Variants in NTRK3 observed in about 807,000 individuals in gnomAD.
NTRK3 encodes the protein NT-3 growth factor receptor.
In NTRK3, 24 loss-of-function variants were observed where a neutral mutation model predicts 91.7. That is an observed-to-expected ratio of 0.26 (90% CI 0.19 to 0.37). NTRK3 has a LOEUF of 0.37. Ranked by LOEUF, NTRK3 falls within the 10% of genes least tolerant of loss-of-function variation. The probability of loss-of-function intolerance (pLI) is 1.00; values close to 1 mark genes in which losing one functional copy is unlikely to be tolerated. For synonymous variants in NTRK3, 483 were observed against 404.0 expected, an observed-to-expected ratio of 1.20 and a Z score of -2.34; for missense variants, 880 against 1,068.9, an observed-to-expected ratio of 0.82 and a Z score of 2.46.
rs145750462 is a variant in NTRK3, at chr15:88,138,121, C to T, written c.465-560G>A. Among the ~76,000 whole-genome samples the T allele has an allele frequency of 6.4e-3, 979 of 151,894 alleles. 12 individuals carry two copies. Among genetic ancestry groups the T allele is most frequent in the African/African-American group, 0.02 (845 of 41,434 alleles). ...AGAGATCCTTTTAAAGAGATATCAGCGGCCGGGCGTGGTGGCTCACACCTG... is the reference window on the plus strand; with the variant it reads ...AGAGATCCTTTTAAAGAGATATCAGTGGCCGGGCGTGGTGGCTCACACCTG... On this transcript the variant is annotated intron_variant, in intron 6 of 18. Transcript: ENST00000394480.
chr15:88,123,449 C>A (rs970019103), intron 13 of NTRK3, among the ~76,000 whole-genome samples: 2 of 152,156 alleles, frequency 1.3e-5, no homozygotes, highest in Non-Finnish European at 2.9e-5. Context: ...CTGTGATGCT[C>A]GCTGGCAATA....
intron 3 of NTRK3, among the ~76,000 whole-genome samples, chr15:88,188,941 G>C (rs2151656203): frequency 6.6e-6 from 1 of 152,280 alleles, no homozygotes; most frequent in Non-Finnish European, 1.5e-5. Flanking sequence ...CAGAAAATCA[G>C]CTCAATGCCC....
chr15:88,045,708 T>A (rs2080113580), intron 13 of NTRK3, among the ~76,000 whole-genome samples: 1 of 152,238 alleles, frequency 6.6e-6, no homozygotes, highest in Admixed American at 6.5e-5. Flanking sequence ...AATCCCTCCT[T>A]GCCTCCACCA....
chr15:88,193,468 G>A (rs1382158839), intron 3 of NTRK3, among the ~76,000 whole-genome samples: 3 of 152,098 alleles, frequency 2.0e-5, no homozygotes, highest in Non-Finnish European at 2.9e-5. Context: ...CACACCAAAC[G>A]AAGAGGAAGC....
At chr15:87,910,449 C>T (rs1191316353) in intron 17 of NTRK3, among the ~76,000 whole-genome samples, 1 of 152,176 alleles carries the variant, frequency 6.6e-6, no homozygotes, top group Non-Finnish European at 1.5e-5. Context: ...TGCTGAGGTG[C>T]TAGCACTCAG....
chr15:87,938,423 ACCACTT>A (rs1331197524), intron 15 of NTRK3, among the ~76,000 whole-genome samples: 1 of 152,180 alleles, frequency 6.6e-6, no homozygotes, highest in Non-Finnish European at 1.5e-5. Context: ...AGCAGGAAAC[ACCACTT>A]CCAAGACGTT....
chr15:87,886,964 T>TA (rs1369082789), intron 17 of NTRK3, among the ~76,000 whole-genome samples: 2 of 151,406 alleles, frequency 1.3e-5, no homozygotes, highest in African/African-American at 2.4e-5. Context: ...TTTGTTGATG[T>TA]AAAAAAAATA....
chr15:87,896,484 A>AAAAG (rs1207490522), intron 17 of NTRK3, among the ~76,000 whole-genome samples: 1 of 151,632 alleles, frequency 6.6e-6, no homozygotes, highest in East Asian at 1.9e-4. Flanking sequence ...AAAAAAAAAA[A>AAAAG]AAAGAAAGAA....
intron 14 of NTRK3, among the ~76,000 whole-genome samples, chr15:87,999,045 C>T (rs1199896075): frequency 6.6e-6 from 1 of 152,094 alleles, no homozygotes; most frequent in Non-Finnish European, 1.5e-5. Flanking sequence ...CCTTAGTCTG[C>T]CCAGGGTATG....
chr15:88,251,942 T>C (rs918245957), intron 3 of NTRK3, among the ~76,000 whole-genome samples: 2 of 152,162 alleles, frequency 1.3e-5, no homozygotes, highest in African/African-American at 4.8e-5. Context: ...GCAGAGCAGA[T>C]GCCCTTGGCC....
rs531804826 is a variant in NTRK3 at position 87,916,464 on chromosome 15, A to G, written c.2133+12727T>C. 241 of 700,842 alleles carry G rather than the reference A, an allele frequency of 3.4e-4. 4 individuals are homozygous for G. In the East Asian group the frequency reaches 4.8e-3, roughly 14 times the overall value. 43.4% of individuals were successfully genotyped at this position (700,842 alleles called of 1,614,324 possible). A position where few individuals can be genotyped will look rare whatever the true frequency, so the allele number is the denominator to read the frequency against. ...CCTTTTCCTCTCCTTTCCCGAGGAC[A>G]GAATCCAATATAAGCATGCTTCAAC... On this transcript the variant is annotated intron_variant, in intron 17 of 18. Transcript: ENST00000394480.
chr15:87,872,607 G>A (rs978088477), exon 19 of NTRK3: 7 of 231,024 alleles, frequency 3.0e-5, no homozygotes, highest in African/African-American at 4.4e-5. Context: ...CTGGTGAAAC[G>A]CAGGCAAGTG....
At chr15:88,030,281 G>C (rs1302580893) in intron 14 of NTRK3, among the ~76,000 whole-genome samples, 2 of 152,192 alleles carry the variant, frequency 1.3e-5, no homozygotes, top group Non-Finnish European at 1.5e-5. Flanking sequence ...CAAATCTAGA[G>C]GGCTCTAGAA....
chr15:88,230,943 A>G (rs1238569142), intron 3 of NTRK3, among the ~76,000 whole-genome samples: 1 of 152,246 alleles, frequency 6.6e-6, no homozygotes, highest in Admixed American at 6.5e-5. Flanking sequence ...GCCATGGCAG[A>G]ATGGGCTCTC....
rs1380449235 is a variant in NTRK3 at position 88,255,323 on chromosome 15, C to G, written c.248+583G>C. Among the ~76,000 whole-genome samples the G allele has an allele frequency of 6.6e-6, 1 of 152,150 alleles. No homozygotes were observed. Among genetic ancestry groups the G allele is most frequent in the Non-Finnish European group, 1.5e-5 (1 of 68,026 alleles). ...GAAGGGAAGAGGTAGGCGTCCATGA[C>G]GGCCTCCACACGTCCAAAGTCTCCC... On this transcript the variant is annotated intron_variant, in intron 3 of 18. Transcript: ENST00000394480. This position sits in a 1 kb window ranked among gnomAD's most constrained non-coding sequence, Gnocchi z 4.3.
chr15:88,032,966 C>G (rs148560538), exon 14 of NTRK3: 2 of 1,612,350 alleles, frequency 1.2e-6, no homozygotes, highest in Middle Eastern at 1.6e-4. Flanking sequence ...CATCCAGTGA[C>G]GAGGGCGTGG....
chr15:88,052,188 C>T (rs2080891435), intron 13 of NTRK3, among the ~76,000 whole-genome samples: 1 of 152,164 alleles, frequency 6.6e-6, no homozygotes, highest in South Asian at 2.1e-4. Flanking sequence ...TCCAGGTGTA[C>T]ATCTAAAATA....
chr15:88,222,835 A>G (rs2050346274), intron 3 of NTRK3, among the ~76,000 whole-genome samples: 1 of 152,168 alleles, frequency 6.6e-6, no homozygotes, highest in Non-Finnish European at 1.5e-5. Flanking sequence ...TTAACAGCAG[A>G]TTAAGAAACC....
chr15:88,188,795 T>C (rs1031336883), intron 3 of NTRK3, among the ~76,000 whole-genome samples: 1 of 152,230 alleles, frequency 6.6e-6, no homozygotes, highest in African/African-American at 2.4e-5. Flanking sequence ...AGGCTACACA[T>C]TCCAGATGCA....
Sources: allele counts gnomAD v4.1 joint callset (sites outside exome capture counted in the v4.1 genomes callset), GRCh38; gene constraint gnomAD v4.1.1; non-coding constraint Gnocchi (gnomAD v3.1); transcripts MANE v1.5; gene names NCBI Gene and HGNC (gene_info 2026-07-23, HGNC 2026-07-21).